SGCZ: variants seen among roughly 807,000 people sequenced by gnomAD.
SGCZ encodes zeta-sarcoglycan.
Under a neutral mutation model 41.3 loss-of-function variants are expected in SGCZ, and 40 were observed. The ratio of observed to expected loss-of-function variants is 0.97; its 90% CI spans 0.75 to 1.26. The LOEUF is 1.26. SGCZ is among the 50% of genes most tolerant of loss of function. The probability of loss-of-function intolerance (pLI) is 0.00; values close to 1 mark genes in which losing one functional copy is unlikely to be tolerated. For missense variants in SGCZ, 552 were observed against 369.8 expected, an observed-to-expected ratio of 1.49 and a Z score of -4.04; for synonymous variants, 206 against 137.5, an observed-to-expected ratio of 1.50 and a Z score of -3.49.
In SGCZ at chr8:14,329,762, A is replaced by T. The variant is rs184431478; in HGVS notation, c.235-5558T>A. Among the ~76,000 whole-genome samples the T allele has an allele frequency of 9.2e-5, 14 of 152,166 alleles. 1 individual carries two copies. The highest frequency in any genetic ancestry group is 1.9e-4 in the Non-Finnish European group (13 of 67,984). On this transcript the variant is annotated intron_variant, in intron 2 of 7. Transcript: ENST00000382080. ...TGCCCCAACCCCCTCCTTTAGAATG[A>T]ATTTCTAGATTTGCTAAGTGTCTCC...
chr8:15,091,805 T>C (rs1247705086), intron 1 of SGCZ, among the ~76,000 whole-genome samples: 20 of 152,094 alleles, frequency 1.3e-4, no homozygotes, highest in Non-Finnish European at 1.5e-5. Context: ...CAGGCTGGAG[T>C]GCAGTGTTGT....
intron 1 of SGCZ, among the ~76,000 whole-genome samples, chr8:14,677,097 G>C (rs891358874): frequency 6.6e-6 from 1 of 151,876 alleles, no homozygotes; most frequent in Admixed American, 6.6e-5. Context: ...ACCTCTCCTG[G>C]AGCAAATAAG....
At chr8:14,353,457 A>G (rs1343764146) in intron 2 of SGCZ, among the ~76,000 whole-genome samples, 1 of 151,998 alleles carries the variant, frequency 6.6e-6, no homozygotes, top group Non-Finnish European at 1.5e-5. Flanking sequence ...ATTTTCAACT[A>G]TCCACTGGAC....
intron 2 of SGCZ, among the ~76,000 whole-genome samples, chr8:14,328,787 G>A (rs1802214432): frequency 6.6e-6 from 1 of 152,144 alleles, no homozygotes; most frequent in Non-Finnish European, 1.5e-5. Context: ...TTAAGAGGTG[G>A]AGGCTTTAAG....
intron 1 of SGCZ, among the ~76,000 whole-genome samples, chr8:14,709,823 ATG>A (rs1809455810): frequency 6.6e-6 from 1 of 152,194 alleles, no homozygotes; most frequent in African/African-American, 2.4e-5. Flanking sequence ...ATGCCTTACT[ATG>A]TGAGGAATTT....
intron 1 of SGCZ, among the ~76,000 whole-genome samples, chr8:14,936,684 A>C (rs1317283164): frequency 6.6e-6 from 1 of 151,972 alleles, no homozygotes; most frequent in African/African-American, 2.4e-5. Context: ...ACAGAGGCTA[A>C]ATAAATTTCC....
intron 1 of SGCZ, among the ~76,000 whole-genome samples, chr8:15,064,888 T>C (rs1805071180): frequency 6.6e-6 from 1 of 152,126 alleles, no homozygotes; most frequent in Non-Finnish European, 1.5e-5. Context: ...GGCGTTTCGG[T>C]TGGCTCTTTG....
chr8:14,868,543 G>T (rs962742265), intron 1 of SGCZ, among the ~76,000 whole-genome samples: 1 of 152,206 alleles, frequency 6.6e-6, no homozygotes, highest in Non-Finnish European at 1.5e-5. Flanking sequence ...AAGAATGACT[G>T]AATCGAGTAA....
intron 1 of SGCZ, among the ~76,000 whole-genome samples, chr8:15,115,208 C>T (rs890521792): frequency 2.0e-5 from 3 of 152,170 alleles, no homozygotes; most frequent in African/African-American, 7.2e-5. Context: ...CTTCTTTACA[C>T]ATGCCTTCCG....
At chr8:15,215,491 A>G (rs918268178) in intron 1 of SGCZ, among the ~76,000 whole-genome samples, 3 of 152,188 alleles carry the variant, frequency 2.0e-5, no homozygotes, top group Non-Finnish European at 4.4e-5. Flanking sequence ...ACACACCTAC[A>G]TCTGTCTATC....
At chr8:14,711,791 G>A (rs1429478039) in intron 1 of SGCZ, among the ~76,000 whole-genome samples, 4 of 152,102 alleles carry the variant, frequency 2.6e-5, no homozygotes, top group East Asian at 1.9e-4. Context: ...TATCTGGTAC[G>A]TTCTGATAGG....
At chr8:14,886,072 C>T (rs1392501670) in intron 1 of SGCZ, among the ~76,000 whole-genome samples, 4 of 133,800 alleles carry the variant, frequency 3.0e-5, no homozygotes, top group Non-Finnish European at 6.3e-5. Context: ...AAGGTAATAG[C>T]ACATTAATTT....
intron 1 of SGCZ, among the ~76,000 whole-genome samples, chr8:15,023,953 G>T (rs1260368287): frequency 6.6e-6 from 1 of 152,186 alleles, no homozygotes; most frequent in African/African-American, 2.4e-5. Context: ...TTAAATAGAA[G>T]ATTATGGAGT....
At chr8:14,980,700 G>A (rs1801630942) in intron 1 of SGCZ, among the ~76,000 whole-genome samples, 1 of 151,906 alleles carries the variant, frequency 6.6e-6, no homozygotes, top group Admixed American at 6.6e-5. Context: ...TCACCACCAT[G>A]AGAACATTAT....
At chr8:14,191,405 C>G (rs1356709353) in intron 4 of SGCZ, among the ~76,000 whole-genome samples, 2 of 152,160 alleles carry the variant, frequency 1.3e-5, no homozygotes, top group Admixed American at 1.3e-4. Context: ...AAATCACTGC[C>G]AAGGTTAATG....
chr8:14,659,413 T>C (rs1807676896), intron 1 of SGCZ, among the ~76,000 whole-genome samples: 2 of 152,196 alleles, frequency 1.3e-5, no homozygotes, highest in Admixed American at 1.3e-4. Flanking sequence ...AAATATTGAT[T>C]TCTTTTATAA....
intron 1 of SGCZ, among the ~76,000 whole-genome samples, chr8:14,900,450 T>C (rs1798934259): frequency 6.6e-6 from 1 of 152,106 alleles, no homozygotes; most frequent in East Asian, 1.9e-4. Flanking sequence ...TTCTGTAACC[T>C]GTATGGCACA....
chr8:14,217,295 C>CAAAA (rs34197711), intron 4 of SGCZ, among the ~76,000 whole-genome samples: 4 of 55,948 alleles, frequency 7.1e-5, no homozygotes, highest in East Asian at 6.6e-4. Context: ...GACTCCATCT[C>CAAAA]AAAAAAAAAA....
chr8:14,523,944 A>G (rs1454030513), intron 2 of SGCZ, among the ~76,000 whole-genome samples: 2 of 151,914 alleles, frequency 1.3e-5, no homozygotes, highest in Non-Finnish European at 2.9e-5. Context: ...ATTAATTCTA[A>G]TTTCCCTTTC....
Sources: gnomAD v4.1 joint callset for allele counts (sites outside exome capture counted in the v4.1 genomes callset) on GRCh38, gnomAD v4.1.1 for gene constraint, MANE v1.5 for transcripts, NCBI Gene and HGNC (gene_info 2026-07-23, HGNC 2026-07-21) for gene names.